VWA1: variants seen among roughly 807,000 people sequenced by gnomAD.
VWA1 encodes the protein von Willebrand factor A domain-containing protein 1.
A neutral mutation model predicts 14.9 loss-of-function variants in VWA1; 12 were observed. The ratio of observed to expected loss-of-function variants is 0.80; its 90% CI spans 0.52 to 1.30. The LOEUF (loss-of-function observed/expected upper bound fraction) is 1.30. VWA1 is among the 50% of genes most tolerant of loss of function. VWA1 has a pLI of 0.00. For missense variants in VWA1, 800 were observed against 649.1 expected (o/e 1.23, Z -2.53); for synonymous variants, 368 against 310.7 (o/e 1.18, Z -1.94).
At position 1,435,773 on chromosome 1, in the gene VWA1, C is replaced by G. The variant is rs1638523525; in HGVS notation, c.25C>G (p.Leu9Val). MLPWTALGLALSLRLALAR... is the reference protein window; with the variant it reads MLPWTALGVALSLRLALAR... ...GATGCTCCCCTGGACGGCGCTCGGC[C>G]TGGCCCTGAGCTTGCGGCTGGCGCT... The change falls in exon 1 of 3, where the codon CTG becomes GTG. Residue 9 changes from leucine (L) to valine (V), a missense_variant. Physicochemically the swap from Leu to Val is conservative, Grantham distance 32. Transcript: ENST00000476993. 6.5e-6 allele frequency: 8 copies of G among 1,226,622 alleles called. No homozygotes were observed. The highest frequency in any genetic ancestry group is 8.2e-6 in the Non-Finnish European group (8 of 977,982). The allele number at this position is 1,226,622 out of a possible 1,614,324, so 76.0% of individuals were successfully genotyped here. A position where few individuals can be genotyped will look rare whatever the true frequency, so the allele number is the denominator to read the frequency against.
Position 1,441,603 on chromosome 1 carries a change from C to T in VWA1, c.*1816C>T, listed in dbSNP as rs893717736. On this transcript the variant is annotated 3_prime_UTR_variant, in exon 3 of 3. Coordinates refer to ENST00000476993, the MANE Select transcript of VWA1 (RefSeq NM_022834.5). ...GGTGGCCAGGGTTGCAGGCCCGGGC[C>T]TCGGGCCCCACCTCCTCTGGAGGGG... 1 of 152,496 alleles carries T rather than the reference C, an allele frequency of 6.6e-6. No homozygotes were observed. The highest frequency in any genetic ancestry group is 1.5e-5 in the Non-Finnish European group (1 of 68,256). 9.4% of individuals were successfully genotyped at this position (152,496 alleles called of 1,614,324 possible).
At position 1,439,553 on chromosome 1, in the gene VWA1, C is replaced by A. The variant is rs1638615146; in HGVS notation, c.1104C>A (p.Phe368Leu). The A allele has an allele frequency of 7.6e-7, 1 of 1,315,110 alleles. No homozygotes were observed. The highest frequency in any genetic ancestry group is 1.7e-5 in the South Asian group (1 of 57,538). The allele number at this position is 1,315,110 out of a possible 1,614,324, so 81.5% of individuals were successfully genotyped here. Residue 368 changes from phenylalanine to leucine, a missense_variant, in exon 3 of 3, where the codon TTC becomes TTA. Physicochemically the swap from Phe to Leu is conservative, Grantham distance 22 (BLOSUM62 0). Coordinates refer to ENST00000476993, the MANE Select transcript of VWA1 (RefSeq NM_022834.5). ...SAAALGYHVQ[F>L]GPLRGGEAQR... ...CGGCGCTCGGCTACCACGTGCAGTT[C>A]GGGCCGCTGCGGGGCGGGGAGGCGC...
rs777242350 is a variant in VWA1 at position 1,439,447 on chromosome 1, C to T, written c.998C>T (p.Ala333Val). 7.1e-7 allele frequency: 1 copy of T among 1,414,402 alleles called. No homozygotes were observed. The allele number at this position is 1,414,402 out of a possible 1,614,324, so 87.6% of individuals were successfully genotyped here. Residue 333 changes from alanine to valine, a missense_variant, in exon 3 of 3, where the codon GCC becomes GTC. Ala to Val is a moderately conservative substitution (Grantham distance 64). Coordinates refer to ENST00000476993, the MANE Select transcript of VWA1 (RefSeq NM_022834.5). The part of the protein sequence containing the change: ...QLAALPAPEE[A>V]GPERIVISHA... ...GCCGCCCTCCCCGCCCCAGAGGAGG[C>T]CGGGCCAGAGCGCATCGTCATCTCC...
chr1:1,439,253 G>T lies in VWA1; in HGVS notation c.804G>T (p.Trp268Cys). ...AGCTGCCAGGGAACGCCACGGACTG[G>T]ATCTGGGCCGGCCTCGACCCGGACA... ...RQQLPGNATD[W>C]IWAGLDPDTD... The change falls in exon 3 of 3, where the codon TGG becomes TGT. Residue 268 changes from tryptophan to cysteine, a missense_variant. Trp to Cys is a radical substitution (Grantham distance 215). Transcript: ENST00000476993. 10 of 1,607,114 alleles carry T rather than the reference G, an allele frequency of 6.2e-6. No individual in the cohort carries two copies. The highest frequency in any genetic ancestry group is 8.5e-6 in the Non-Finnish European group (10 of 1,178,702).
rs1436556170 is a variant in VWA1, at chr1:1,441,950, C to G, written c.*2163C>G. On this transcript the variant is annotated 3_prime_UTR_variant, in exon 3 of 3. Coordinates refer to ENST00000476993, the MANE Select transcript of VWA1 (RefSeq NM_022834.5). ...GGCTCTGCCTCCCCTCTGCCCATCTCTGCACACCAAGGCTGAGCACAGCAC... is the reference window on the plus strand; with the variant it reads ...GGCTCTGCCTCCCCTCTGCCCATCTGTGCACACCAAGGCTGAGCACAGCAC... 1 of 152,366 alleles carries G rather than the reference C, an allele frequency of 6.6e-6. No homozygotes were observed. The highest frequency in any genetic ancestry group is 2.4e-5 in the African/African-American group (1 of 41,458). The allele number at this position is 152,366 out of a possible 1,614,324, so 9.4% of individuals were successfully genotyped here. A position where few individuals can be genotyped will look rare whatever the true frequency, so the allele number is the denominator to read the frequency against.
At position 1,439,914 on chromosome 1, in the gene VWA1, G is replaced by T. The variant is rs879583494; in HGVS notation, c.*127G>T. 17 of 999,678 alleles carry T rather than the reference G, an allele frequency of 1.7e-5. No individual in the cohort carries two copies. The highest frequency in any genetic ancestry group is 1.9e-5 in the Non-Finnish European group (16 of 832,796). The allele number at this position is 999,678 out of a possible 1,614,324, so 61.9% of individuals were successfully genotyped here. On this transcript the variant is annotated 3_prime_UTR_variant, in exon 3 of 3. Transcript: ENST00000476993. ...CGGCCTTTCCCCACGCGGACTCCGC[G>T]CGACCCCGGCCCTCTCCCTGCGGCC...
In VWA1 at chr1:1,439,656, G is replaced by A. The variant is rs1347889586; in HGVS notation, c.1207G>A (p.Val403Met). 1.5e-6 allele frequency: 2 copies of A among 1,321,008 alleles called. No individual in the cohort carries two copies. The highest frequency in any genetic ancestry group is 1.9e-6 in the Non-Finnish European group (2 of 1,027,820). 81.8% of individuals were successfully genotyped at this position (1,321,008 alleles called of 1,614,324 possible). Reference protein sequence around the residue: ...LAPGTAYLVTVTAAFRSGRES... With the variant: ...LAPGTAYLVTMTAAFRSGRES... Reference sequence around the variant, plus strand: ...GCCGGGCACCGCCTACCTGGTGACCGTGACCGCCGCCTTCCGCTCGGGCCG... The same window carrying A: ...GCCGGGCACCGCCTACCTGGTGACCATGACCGCCGCCTTCCGCTCGGGCCG... The change falls in exon 3 of 3, where the codon GTG becomes ATG. Residue 403 changes from valine (V) to methionine (M), a missense_variant. Physicochemically the swap from Val to Met is conservative, Grantham distance 21. Coordinates refer to ENST00000476993, the MANE Select transcript of VWA1 (RefSeq NM_022834.5).
rs531222786 is a variant in VWA1 at position 1,439,313 on chromosome 1, C to T, written c.864C>T (p.Asn288=). The stretch of plus-strand genomic sequence containing the variant: ...ACGTGGCGCTAGTGCCTGAGTCCAA[C>T]GTGCGCCTCCTGAGGCCCCAGATCC... ...DYDVALVPES[N]VRLLRPQILR... is the part of the protein sequence containing the mutation. The change falls in exon 3 of 3, where the codon AAC becomes AAT. Residue 288 remains asparagine, a synonymous_variant. Transcript: ENST00000476993. 1.1e-5 allele frequency: 17 copies of T among 1,590,888 alleles called. No individual in the cohort carries two copies. The South Asian group carries it at 1.8e-4, about 17-fold the overall frequency.
Position 1,439,655 on chromosome 1 carries a change from C to T in VWA1, c.1206C>T (p.Thr402=), listed in dbSNP as rs1023156671. 3.6e-5 allele frequency: 48 copies of T among 1,321,228 alleles called. No homozygotes were observed. The Admixed American group carries it at 9.1e-4, about 25-fold the overall frequency. The allele number at this position is 1,321,228 out of a possible 1,614,324, so 81.8% of individuals were successfully genotyped here. A position where few individuals can be genotyped will look rare whatever the true frequency, so the allele number is the denominator to read the frequency against. The change falls in exon 3 of 3, where the codon ACC becomes ACT. Residue 402 remains threonine (T), a synonymous_variant. Coordinates refer to ENST00000476993, the MANE Select transcript of VWA1 (RefSeq NM_022834.5). The stretch of plus-strand genomic sequence containing the variant: ...CGCCGGGCACCGCCTACCTGGTGAC[C>T]GTGACCGCCGCCTTCCGCTCGGGCC... The part of the protein sequence containing the change: ...GLAPGTAYLV[T]VTAAFRSGRE...
rs143384457 is a variant in VWA1, at chr1:1,437,045, G to A, written c.192G>A (p.Leu64=). 7.0e-5 allele frequency: 112 copies of A among 1,611,386 alleles called. No homozygotes were observed. In the African/African-American group the frequency reaches 1.3e-3, roughly 18 times the overall value. The change falls in exon 2 of 3, where the codon CTG becomes CTA. Residue 64 remains leucine (L), a synonymous_variant. Coordinates refer to ENST00000476993, the MANE Select transcript of VWA1 (RefSeq NM_022834.5). ...REFVGQLVAP[L]PLGTGALRAS... is the part of the protein sequence containing the mutation. ...TTGTGGGGCAGCTGGTGGCTCCACTGCCCCTGGGCACCGGGGCCCTGCGTG... is the reference window on the plus strand; with the variant it reads ...TTGTGGGGCAGCTGGTGGCTCCACTACCCCTGGGCACCGGGGCCCTGCGTG...
Position 1,437,094 on chromosome 1 carries a change from C to T in VWA1, c.241C>T (p.Arg81Trp), listed in dbSNP as rs1280014527. ...TGCCAGTCTGGTGCACGTGGGCAGT[C>T]GGCCATACACCGAGTTCCCCTTCGG... ...LRASLVHVGS[R>W]PYTEFPFGQH... Residue 81 changes from arginine to tryptophan, a missense_variant, in exon 2 of 3, where the codon CGG becomes TGG. Transcript: ENST00000476993. The T allele has an allele frequency of 1.2e-5, 19 of 1,604,778 alleles. No individual in the cohort carries two copies. The highest frequency in any genetic ancestry group is 1.7e-4 in the Middle Eastern group (1 of 6,060).
rs1001744525 is a variant in VWA1 at position 1,440,721 on chromosome 1, A to G, written c.*934A>G. On this transcript the variant is annotated 3_prime_UTR_variant, in exon 3 of 3. Transcript: ENST00000476993. ...GCAATGCTCACCTCGCCTCTTCCCC[A>G]CTAACATCCCAGACTTTAAAATTCA... 3 of 166,136 alleles carry G rather than the reference A, an allele frequency of 1.8e-5. No homozygotes were observed. The Admixed American group carries it at 2.0e-4, about 11-fold the overall frequency. 10.3% of individuals were successfully genotyped at this position (166,136 alleles called of 1,614,324 possible). A position where few individuals can be genotyped will look rare whatever the true frequency, so the allele number is the denominator to read the frequency against.
At chr1:1,438,115 G>A (rs1263526292) in intron 2 of VWA1, among the ~76,000 whole-genome samples, 1 of 152,186 alleles carries the variant, frequency 6.6e-6, no homozygotes, top group African/African-American at 2.4e-5. Flanking sequence ...CACTGGCTCA[G>A]CCTGCTGCAG....
rs1638700773 is a variant in VWA1 at position 1,442,854 on chromosome 1, T to TG, written c.*3067_*3068insG. On this transcript the variant is annotated 3_prime_UTR_variant, in exon 3 of 3. Coordinates refer to ENST00000476993, the MANE Select transcript of VWA1 (RefSeq NM_022834.5). ...AGGTCGCCTGTTTCTATAGTGACGG[T>TG]AATAAACCAAGTCAATTTTCTATAG... is the stretch of plus-strand genomic sequence containing the variant. 1 of 152,292 alleles carries TG rather than the reference T, an allele frequency of 6.6e-6. No individual in the cohort carries two copies. Among genetic ancestry groups the TG allele is most frequent in the Admixed American group, 6.5e-5 (1 of 15,290 alleles). The allele number at this position is 152,292 out of a possible 1,614,324, so 9.4% of individuals were successfully genotyped here.
At chr1:1,435,901 GTCCCCTGCTCCGGA>G in intron 1 of VWA1, 80 bp downstream of exon 1, 3 of 894,302 alleles carry the variant, frequency 3.4e-6, no homozygotes, top group Non-Finnish European at 2.7e-6. Flanking sequence ...GGCCGTCGCT[GTCCCCTGCTCCGGA>G]CGGGCGGGCG....
Position 1,439,091 on chromosome 1 carries a change from G to T in VWA1, c.642G>T (p.Arg214=). 1 of 1,598,430 alleles carries T rather than the reference G, an allele frequency of 6.3e-7. No individual in the cohort carries two copies. The highest frequency in any genetic ancestry group is 1.3e-5 in the African/African-American group (1 of 74,950). The change falls in exon 3 of 3, where the codon CGG becomes CGT. Residue 214 remains arginine (R), a synonymous_variant. Transcript: ENST00000476993. The part of the protein sequence containing the change: ...ELRGSILDAM[R]PQQLHATEIT... ...CTGCACCACCCACAGACGCGATGCG[G>T]CCGCAGCAGCTCCATGCCACGGAGA...
chr1:1,437,979 T>C (rs894839632), intron 2 of VWA1, among the ~76,000 whole-genome samples: 1 of 152,010 alleles, frequency 6.6e-6, no homozygotes, highest in African/African-American at 2.4e-5. Flanking sequence ...ACTGTGAGGG[T>C]TTCCTGAGAG....
chr1:1,437,560 A>G, intron 2 of VWA1, 76 bp downstream of exon 2: 1 of 1,520,708 alleles, frequency 6.6e-7, no homozygotes, highest in Non-Finnish European at 8.8e-7. Flanking sequence ...AGACTTTGGG[A>G]AGATCTCATG....
Position 1,439,566 on chromosome 1 carries a change from G to A in VWA1, c.1117G>A (p.Gly373Ser). Residue 373 changes from glycine (G) to serine (S), a missense_variant, in exon 3 of 3, where the codon GGC (glycine) becomes AGC (serine). Gly to Ser is a moderately conservative substitution (Grantham distance 56). Transcript: ENST00000476993. The stretch of plus-strand genomic sequence containing the variant: ...CCACGTGCAGTTCGGGCCGCTGCGG[G>A]GCGGGGAGGCGCAGCGGGTGGAGGT... ...GYHVQFGPLR[G>S]GEAQRVEVPA... is the part of the protein sequence containing the mutation. 7 of 1,306,344 alleles carry A rather than the reference G, an allele frequency of 5.4e-6. No individual in the cohort carries two copies. Among genetic ancestry groups the A allele is most frequent in the Non-Finnish European group, 6.8e-6 (7 of 1,030,138 alleles). 80.9% of individuals were successfully genotyped at this position (1,306,344 alleles called of 1,614,324 possible).
Sources: allele counts gnomAD v4.1 joint callset (sites outside exome capture counted in the v4.1 genomes callset), GRCh38; gene constraint gnomAD v4.1.1; transcripts MANE v1.5; gene names NCBI Gene and HGNC (gene_info 2026-07-23, HGNC 2026-07-21).